Variants in PRDM15 observed in about 807,000 individuals in gnomAD.
PRDM15 encodes PR/SET domain 15, also known as PR domain zinc finger protein 15.
Under a neutral mutation model 128.6 loss-of-function variants are expected in PRDM15, and 64 were observed. The ratio of observed to expected loss-of-function variants is 0.50; its 90% CI spans 0.41 to 0.61. The LOEUF (loss-of-function observed/expected upper bound fraction) is 0.61, where lower values mean the gene tolerates loss of function less well. Among genes scored for constraint, PRDM15 ranks in the 20% least tolerant of loss-of-function variants. PRDM15 has a pLI of 0.00. For synonymous variants in PRDM15, 615 were observed against 621.8 expected (o/e 0.99, Z 0.16); for missense variants, 1,242 against 1,569.1 (o/e 0.79, Z 3.52).
At chr21:41,817,207 C>T (rs1282023421) in intron 18 of PRDM15, among the ~76,000 whole-genome samples, 1 of 152,192 alleles carries the variant, frequency 6.6e-6, no homozygotes, top group Admixed American at 6.5e-5. Flanking sequence ...TTACAAATTA[C>T]CGTGGGGAAA....
chr21:41,809,234 CTTTTT>C lies in PRDM15; in HGVS notation c.2652+915_2652+919del, dbSNP rs71332340. On this transcript the variant is annotated intron_variant, in intron 21 of 23. Transcript: ENST00000398548. ...CAGCCATGGCCTATGCAAATTTTTT[CTTTTT>C]TTTTTTTTTTTGAGATGGAATCTCG... 2.9e-5 allele frequency among the ~76,000 whole-genome samples: 4 copies of C among 135,722 alleles called. No individual in the cohort carries two copies. In the East Asian group the frequency reaches 8.5e-4, roughly 29 times the overall value. The allele number at this position is 135,722 out of a possible 152,430, so 89.0% of individuals were successfully genotyped here.
chr21:41,839,579 G>T, intron 7 of PRDM15, 44 bp downstream of exon 7: 1 of 1,570,730 alleles, frequency 6.4e-7, no homozygotes, highest in Non-Finnish European at 8.8e-7. Context: ...CGCCAGGAGG[G>T]CTGCGCCCCA....
At position 41,859,330 on chromosome 21, in the gene PRDM15, ACT is replaced by A. The variant is rs979467165; in HGVS notation, c.131+260_131+261del. On this transcript the variant is annotated intron_variant, in intron 3 of 23. Transcript: ENST00000398548. The surrounding 1 kb of genome is among the most constrained non-coding windows in gnomAD (Gnocchi z 5.3). ...GTCCACTCTTCTGCAGCCTCCACAC[ACT>A]GTGTCGGGAACAGCTGGGCTCCAGC... 6.4e-6 allele frequency: 7 copies of A among 1,092,344 alleles called. No individual in the cohort carries two copies. The African/African-American group carries it at 9.2e-5, about 14-fold the overall frequency. 67.7% of individuals were successfully genotyped at this position (1,092,344 alleles called of 1,614,324 possible).
At chr21:41,867,397 A>G (rs2145979754) in intron 1 of PRDM15, 4 of 1,582,328 alleles carry the variant, frequency 2.5e-6, no homozygotes, top group Non-Finnish European at 3.5e-6. Context: ...GTGAAAGGAA[A>G]GCAAGCTGAG....
chr21:41,803,344 C>T lies in PRDM15; in HGVS notation c.2734-423G>A, dbSNP rs184537451. On this transcript the variant is annotated intron_variant, in intron 22 of 23. Coordinates refer to ENST00000398548, the MANE Select transcript of PRDM15 (RefSeq NM_001040424.3). ...CATAAAAAACAATTTTGAATTAAAA[C>T]AGATTTGACCACAAAACCTGCAGGG... 3.9e-4 allele frequency among the ~76,000 whole-genome samples: 60 copies of T among 152,330 alleles called. 2 individuals carry two copies. The highest frequency in any genetic ancestry group is 2.4e-3 in the Admixed American group (37 of 15,300).
At position 41,821,027 on chromosome 21, in the gene PRDM15, C is replaced by T. The variant is rs1335623310; in HGVS notation, c.2060+40G>A. 2.0e-5 allele frequency: 32 copies of T among 1,613,344 alleles called. No individual in the cohort carries two copies. The highest frequency in any genetic ancestry group is 2.6e-5 in the Non-Finnish European group (31 of 1,179,348). Reference sequence around the variant, plus strand: ...CTCTTTGCAAGGAAGCATGTCCCCTCTCTCCTGACACAACCCGGGAGCCCC... The same window carrying T: ...CTCTTTGCAAGGAAGCATGTCCCCTTTCTCCTGACACAACCCGGGAGCCCC... On this transcript the variant is annotated intron_variant, in intron 16 of 23. Coordinates refer to ENST00000398548, the MANE Select transcript of PRDM15 (RefSeq NM_001040424.3). The surrounding 1 kb of genome is among the most constrained non-coding windows in gnomAD (Gnocchi z 5.4).
intron 18 of PRDM15, among the ~76,000 whole-genome samples, chr21:41,819,168 C>T (rs2062156235): frequency 6.6e-6 from 1 of 152,224 alleles, no homozygotes; most frequent in South Asian, 2.1e-4. Context: ...GCCTCGAGTC[C>T]TTCTTTCCTT....
chr21:41,870,403 T>G (rs886519602), intron 1 of PRDM15, among the ~76,000 whole-genome samples: 1 of 152,152 alleles, frequency 6.6e-6, no homozygotes, highest in African/African-American at 2.4e-5. Flanking sequence ...GAGTTTTTGT[T>G]GAAGCAGGAG....
At chr21:41,858,984 T>C in intron 3 of PRDM15, 1 of 1,455,174 alleles carries the variant, frequency 6.9e-7, no homozygotes, top group Non-Finnish European at 9.3e-7. Context: ...TGCCATCCTC[T>C]ACAGAGGCCA....
At chr21:41,878,395 A>T (rs2064497288) in intron 1 of PRDM15, among the ~76,000 whole-genome samples, 2 of 152,250 alleles carry the variant, frequency 1.3e-5, no homozygotes, top group African/African-American at 2.4e-5. Flanking sequence ...TAAGAAAGGT[A>T]AATGGGTGAT....
intron 1 of PRDM15, among the ~76,000 whole-genome samples, chr21:41,875,328 C>G (rs1569032896): frequency 6.6e-6 from 1 of 152,286 alleles, no homozygotes; most frequent in Non-Finnish European, 1.5e-5. Context: ...CTCGCCCTGC[C>G]AGGCCCCGGA....
At chr21:41,824,744 G>A (rs547264348) in intron 13 of PRDM15, among the ~76,000 whole-genome samples, 9 of 152,214 alleles carry the variant, frequency 5.9e-5, no homozygotes, top group African/African-American at 1.9e-4. Context: ...CCCACAGTCC[G>A]GAGCCTCACC....
At chr21:41,853,092 C>T (rs1318876060) in intron 5 of PRDM15, among the ~76,000 whole-genome samples, 1 of 152,274 alleles carries the variant, frequency 6.6e-6, no homozygotes. Context: ...TGCTGACACC[C>T]TGACCGTGGG....
chr21:41,802,293 C>G (rs896431387), intron 23 of PRDM15, among the ~76,000 whole-genome samples: 2 of 152,134 alleles, frequency 1.3e-5, no homozygotes, highest in African/African-American at 4.8e-5. Context: ...AGGTTCCACT[C>G]GAGAAAGTGG....
intron 21 of PRDM15, among the ~76,000 whole-genome samples, chr21:41,807,715 T>C (rs1490765630): frequency 6.6e-6 from 1 of 152,136 alleles, no homozygotes. Context: ...TTTGAGTTAA[T>C]GTAGAGGGAA....
Position 41,862,887 on chromosome 21 carries a change from C to T in PRDM15, c.-9-2515G>A, listed in dbSNP as rs971779093. On this transcript the variant is annotated intron_variant, in intron 1 of 23. Transcript: ENST00000398548. The surrounding 1 kb of genome is among the most constrained non-coding windows in gnomAD (Gnocchi z 4.1). The stretch of plus-strand genomic sequence containing the variant: ...AAAAAAGAACTAGAAGTTCGAGATC[C>T]TGGGCAGGCGTGTGGCTCACGTCTG... Among the ~76,000 whole-genome samples, 2 of 152,142 alleles carry T rather than the reference C, an allele frequency of 1.3e-5. No individual in the cohort carries two copies. Among genetic ancestry groups the T allele is most frequent in the Non-Finnish European group, 2.9e-5 (2 of 68,022 alleles).
At position 41,801,549 on chromosome 21, in the gene PRDM15, T is replaced by C. The variant is rs774485148; in HGVS notation, c.3117A>G (p.Ser1039=). The change falls in exon 24 of 24, where the codon TCA becomes TCG. Residue 1039 remains serine (S), a synonymous_variant. Coordinates refer to ENST00000398548, the MANE Select transcript of PRDM15 (RefSeq NM_001040424.3). ...CGGTATCAAAGGTCACGGTCAGGAT[T>C]GAGTTGTCCAGCTGTAACTGGCGTT... ...TPERQLQLDN[S]ILTVTFDTVS... 1.9e-6 allele frequency: 3 copies of C among 1,614,136 alleles called. No homozygotes were observed. The Admixed American group carries it at 5.0e-5, about 27-fold the overall frequency.
Position 41,815,800 on chromosome 21 carries a change from T to C in PRDM15, c.2297A>G (p.Lys766Arg), listed in dbSNP as rs745422086. 1 of 1,613,954 alleles carries C rather than the reference T, an allele frequency of 6.2e-7. No homozygotes were observed. Among genetic ancestry groups the C allele is most frequent in the African/African-American group, 1.3e-5 (1 of 74,942 alleles). ...KTKHALRHHMKLHKGIKEYEC... is the reference protein window; with the variant it reads ...KTKHALRHHMRLHKGIKEYEC... ...GTACTCCTTGATGCCCTTGTGCAGC[T>C]TCATGTGGTGGCGCAGCGCGTGCTT... The change falls in exon 19 of 24, where the codon AAG becomes AGG. Residue 766 changes from lysine to arginine, a missense_variant. This residue lies in a region of PRDM15 where 602 missense variants were observed against 788.3 expected (regional missense o/e 0.76). Coordinates refer to ENST00000398548, the MANE Select transcript of PRDM15 (RefSeq NM_001040424.3).
chr21:41,853,174 G>T (rs1716323379), intron 5 of PRDM15, among the ~76,000 whole-genome samples: 1 of 152,218 alleles, frequency 6.6e-6, no homozygotes, highest in African/African-American at 2.4e-5. Flanking sequence ...TTTTATGGGG[G>T]CAGCGCAGCG....
Sources: gnomAD v4.1 joint callset for allele counts (sites outside exome capture counted in the v4.1 genomes callset) on GRCh38, gnomAD v4.1.1 for gene constraint, gnomAD v4.1.1 regional missense constraint, Gnocchi (gnomAD v3.1) non-coding constraint, MANE v1.5 for transcripts, NCBI Gene and HGNC (gene_info 2026-07-23, HGNC 2026-07-21) for gene names.